DIAPH3: variants seen among roughly 807,000 people sequenced by gnomAD.
DIAPH3 encodes the protein protein diaphanous homolog 3.
DIAPH3 carries 117 observed loss-of-function variants against 144.3 expected under a neutral mutation model. The observed-to-expected ratio is 0.81, with a 90% CI of 0.70 to 0.95. The LOEUF (loss-of-function observed/expected upper bound fraction) is 0.95, where lower values mean the gene tolerates loss of function less well. DIAPH3 is among the 40% of genes least tolerant of loss of function. The pLI is 0.00. For missense variants in DIAPH3, 1,421 were observed against 1,412.7 expected (o/e 1.01, Z -0.09); for synonymous variants, 519 against 488.9 (o/e 1.06, Z -0.81).
chr13:59,992,372 T>A lies in DIAPH3; in HGVS notation c.1125+101A>T. The A allele has an allele frequency of 2.6e-6, 3 of 1,161,164 alleles. No individual in the cohort carries two copies. The South Asian group carries it at 4.2e-5, about 16-fold the overall frequency. The allele number at this position is 1,161,164 out of a possible 1,614,324, so 71.9% of individuals were successfully genotyped here. Reference sequence around the variant, plus strand: ...AATAGATTTTTTAACTCAAGCCTTTTCCCACAGATAAATTATTCTTCAAGG... The same window carrying A: ...AATAGATTTTTTAACTCAAGCCTTTACCCACAGATAAATTATTCTTCAAGG... On this transcript the variant is annotated intron_variant, in intron 10 of 27. Coordinates refer to ENST00000400324, the MANE Select transcript of DIAPH3 (RefSeq NM_001042517.2).
intron 1 of DIAPH3, among the ~76,000 whole-genome samples, chr13:60,139,149 T>C (rs183999144): frequency 2.6e-5 from 4 of 152,302 alleles, no homozygotes; most frequent in East Asian, 1.9e-4. Flanking sequence ...ACAACACACA[T>C]AGATGTGAAA....
intron 27 of DIAPH3, among the ~76,000 whole-genome samples, chr13:59,697,891 G>C (rs764735203): frequency 1.4e-4 from 21 of 152,210 alleles, no homozygotes; most frequent in Non-Finnish European, 1.5e-5. Flanking sequence ...AAAAGGGTTA[G>C]ATACAGTGAA....
At chr13:59,878,897 T>C (rs944206091) in intron 21 of DIAPH3, among the ~76,000 whole-genome samples, 5 of 152,136 alleles carry the variant, frequency 3.3e-5, no homozygotes, top group African/African-American at 1.2e-4. Context: ...TCAATATATA[T>C]ACAGGTATCT....
chr13:59,669,368 C>G (rs1257979936), intron 27 of DIAPH3, among the ~76,000 whole-genome samples: 1 of 152,210 alleles, frequency 6.6e-6, no homozygotes, highest in African/African-American at 2.4e-5. Flanking sequence ...TCCACACCTT[C>G]TCCACTCTTT....
At chr13:59,991,943 C>T (rs973317425) in intron 11 of DIAPH3, 125 bp downstream of exon 11, 1 of 762,034 alleles carries the variant, frequency 1.3e-6, no homozygotes, top group African/African-American at 1.7e-5. Context: ...TAACATTCTT[C>T]TGATGCATGA....
intron 21 of DIAPH3, among the ~76,000 whole-genome samples, chr13:59,866,461 A>G (rs2043930610): frequency 6.6e-6 from 1 of 152,066 alleles, no homozygotes; most frequent in Non-Finnish European, 1.5e-5. Flanking sequence ...AAACAACAAA[A>G]GAGCACTAAT....
intron 3 of DIAPH3, among the ~76,000 whole-genome samples, chr13:60,100,625 T>C (rs2058241643): frequency 6.6e-6 from 1 of 152,260 alleles, no homozygotes; most frequent in South Asian, 2.1e-4. Context: ...GTGAAAGGTA[T>C]ACAAGAATTC....
intron 22 of DIAPH3, among the ~76,000 whole-genome samples, chr13:59,846,349 A>G (rs997863814): frequency 3.9e-5 from 6 of 152,170 alleles, no homozygotes; most frequent in Non-Finnish European, 5.9e-5. Context: ...CAATCCAGGG[A>G]AATTGATTTC....
chr13:59,970,094 G>GAAACACTCACCT, intron 16 of DIAPH3, 36 bp from the exon 17 acceptor site: 1 of 1,299,116 alleles, frequency 7.7e-7, no homozygotes, highest in Non-Finnish European at 1.1e-6. Context: ...ATCAATAGGT[G>GAAACACTCACCT]AGTGTTTCAC....
chr13:59,955,247 T>A (rs1259084926), intron 17 of DIAPH3, among the ~76,000 whole-genome samples: 1 of 152,038 alleles, frequency 6.6e-6, no homozygotes, highest in African/African-American at 2.4e-5. Flanking sequence ...CTAGCTCCCA[T>A]AATCCCATCA....
At chr13:59,952,639 T>C (rs1177615773) in intron 17 of DIAPH3, among the ~76,000 whole-genome samples, 1 of 152,200 alleles carries the variant, frequency 6.6e-6, no homozygotes, top group Non-Finnish European at 1.5e-5. Context: ...ACCACCTTCA[T>C]TATTCTCTGA....
At chr13:59,705,922 A>G (rs1005102064) in intron 27 of DIAPH3, among the ~76,000 whole-genome samples, 1 of 151,936 alleles carries the variant, frequency 6.6e-6, no homozygotes, top group African/African-American at 2.4e-5. Context: ...TTTCATGATA[A>G]TTAACTATGT....
intron 25 of DIAPH3, among the ~76,000 whole-genome samples, chr13:59,800,109 T>G (rs2039827127): frequency 6.6e-6 from 1 of 152,190 alleles, no homozygotes; most frequent in Non-Finnish European, 1.5e-5. Flanking sequence ...GCTAAAAACA[T>G]GCACACAAGT....
chr13:59,865,699 C>T (rs2043875596), intron 21 of DIAPH3, among the ~76,000 whole-genome samples: 1 of 151,952 alleles, frequency 6.6e-6, no homozygotes, highest in Non-Finnish European at 1.5e-5. Context: ...TGTAATAAAT[C>T]ATGGCCTAGT....
intron 27 of DIAPH3, among the ~76,000 whole-genome samples, chr13:59,667,267 G>A (rs1405172488): frequency 6.6e-6 from 1 of 152,122 alleles, no homozygotes; most frequent in East Asian, 1.9e-4. Flanking sequence ...GCACATGATG[G>A]CTGGACACAC....
At chr13:59,987,000 A>T (rs1366061667) in intron 12 of DIAPH3, among the ~76,000 whole-genome samples, 1 of 152,002 alleles carries the variant, frequency 6.6e-6, no homozygotes, top group African/African-American at 2.4e-5. Context: ...ACTATAAATC[A>T]TGCTGCTATA....
rs34149687 is a variant in DIAPH3 at position 59,868,312 on chromosome 13, C to T, written c.2608-6776G>A. The stretch of plus-strand genomic sequence containing the variant: ...CAATTAACAAAAATTGGAGTAAGTG[C>T]TTAGAAAGTGAACATGTTTAGATTG... On this transcript the variant is annotated intron_variant, in intron 21 of 27. Transcript: ENST00000400324. Among the ~76,000 whole-genome samples, 264 of 152,076 alleles carry T rather than the reference C, an allele frequency of 1.7e-3. 1 individual carries two copies. Among genetic ancestry groups the T allele is most frequent in the Middle Eastern group, 3.4e-3 (1 of 294 alleles).
Position 59,810,924 on chromosome 13 carries a change from C to CTGT in DIAPH3, c.3028-2_3028-1insACA. ...TTTTGATATTCTCCTTTATTGCTTG[C>CTGT]TAAAAAAATTTTGAAAAATGATCAA... On this transcript the variant is annotated splice_acceptor_variant, in intron 24 of 27. Coordinates refer to ENST00000400324, the MANE Select transcript of DIAPH3 (RefSeq NM_001042517.2). LOFTEE classifies it high-confidence loss of function. 1 of 1,155,010 alleles carries CTGT rather than the reference C, an allele frequency of 8.7e-7. No individual in the cohort carries two copies. The highest frequency in any genetic ancestry group is 2.1e-4 in the Middle Eastern group (1 of 4,746). 71.5% of individuals were successfully genotyped at this position (1,155,010 alleles called of 1,614,324 possible). A position where few individuals can be genotyped will look rare whatever the true frequency, so the allele number is the denominator to read the frequency against.
intron 17 of DIAPH3, among the ~76,000 whole-genome samples, chr13:59,956,092 T>C (rs1056785404): frequency 2.6e-5 from 4 of 152,180 alleles, no homozygotes; most frequent in African/African-American, 9.6e-5. Context: ...AAGTAGAGCA[T>C]AGAAGTTCAA....
Sources: allele counts gnomAD v4.1 joint callset (sites outside exome capture counted in the v4.1 genomes callset), GRCh38; gene constraint gnomAD v4.1.1; transcripts MANE v1.5; gene names NCBI Gene and HGNC (gene_info 2026-07-23, HGNC 2026-07-21).